SOX6: variants seen among roughly 807,000 people sequenced by gnomAD.
SOX6 encodes the protein SRY-box transcription factor 6.
In SOX6, 11 loss-of-function variants were observed where a neutral mutation model predicts 97.8. The observed-to-expected ratio is 0.11, with a 90% CI of 0.07 to 0.19. SOX6 has a LOEUF of 0.19. Among genes scored for constraint, SOX6 ranks in the 10% least tolerant of loss-of-function variants. The pLI, the probability that SOX6 is intolerant of heterozygous loss-of-function variation, is 1.00. For synonymous variants in SOX6, 360 were observed against 371.4 expected (o/e 0.97, Z 0.35); for missense variants, 810 against 1,039.5 (o/e 0.78, Z 3.04).
chr11:16,185,483 T>C (rs1317483034), intron 5 of SOX6, among the ~76,000 whole-genome samples: 1 of 152,176 alleles, frequency 6.6e-6, no homozygotes, highest in African/African-American at 2.4e-5. Context: ...ATTACTATCA[T>C]CCACTCTAGA....
At chr11:16,353,764 C>G (rs1392997188) in intron 1 of SOX6, among the ~76,000 whole-genome samples, 1 of 151,896 alleles carries the variant, frequency 6.6e-6, no homozygotes, top group East Asian at 1.9e-4. Flanking sequence ...GATTCTTTAC[C>G]AAGTACATAT....
chr11:16,249,042 A>G (rs1050934494), intron 3 of SOX6, among the ~76,000 whole-genome samples: 2 of 151,578 alleles, frequency 1.3e-5, no homozygotes, highest in Non-Finnish European at 2.9e-5. Flanking sequence ...CAGAGGTTGC[A>G]GTGAGCCAAG....
Position 16,095,953 on chromosome 11 carries a change from T to C in SOX6, c.1101+43A>G, listed in dbSNP as rs763445144. On this transcript the variant is annotated intron_variant, in intron 9 of 15. Transcript: ENST00000683767. ...AAAAGCCTAGAGTATGACTGAACAA[T>C]CCAGTCCCCAACCCAATGAAGCATC... 3 of 1,397,614 alleles carry C rather than the reference T, an allele frequency of 2.1e-6. No individual in the cohort carries two copies. The South Asian group carries it at 3.4e-5, about 16-fold the overall frequency. The allele number at this position is 1,397,614 out of a possible 1,614,324, so 86.6% of individuals were successfully genotyped here.
At chr11:16,235,082 T>A (rs1437019537) in intron 3 of SOX6, among the ~76,000 whole-genome samples, 3 of 151,890 alleles carry the variant, frequency 2.0e-5, no homozygotes, top group African/African-American at 7.2e-5. Flanking sequence ...CAAGAAACAA[T>A]AACAGATAAT....
At chr11:16,699,465 T>C (rs1009569297) in intron 3 of SOX6, among the ~76,000 whole-genome samples, 2 of 152,170 alleles carry the variant, frequency 1.3e-5, no homozygotes, top group Non-Finnish European at 2.9e-5. Context: ...ATTTTCAGGC[T>C]TGCTTTACTC....
At chr11:16,581,367 A>G (rs760326139) in intron 4 of SOX6, among the ~76,000 whole-genome samples, 23 of 152,198 alleles carry the variant, frequency 1.5e-4, no homozygotes, top group Middle Eastern at 3.4e-3. Context: ...CAAACACTAC[A>G]TGTCCCCTCA....
intron 4 of SOX6, among the ~76,000 whole-genome samples, chr11:16,516,091 A>C (rs559811696): frequency 1.1e-4 from 17 of 150,386 alleles, no homozygotes; most frequent in Non-Finnish European, 1.8e-4. Context: ...GAAGAAAGGC[A>C]TTGGTAGCTT....
At chr11:16,680,966 A>T (rs894009746) in intron 3 of SOX6, among the ~76,000 whole-genome samples, 5 of 152,122 alleles carry the variant, frequency 3.3e-5, no homozygotes, top group African/African-American at 9.7e-5. Flanking sequence ...AAACAAGTCC[A>T]TAGAGACCTA....
chr11:16,091,281 C>G (rs964717769), intron 9 of SOX6, among the ~76,000 whole-genome samples: 3 of 152,034 alleles, frequency 2.0e-5, no homozygotes, highest in Non-Finnish European at 2.9e-5. Flanking sequence ...TGAGTCAGTT[C>G]ATTCCTCTTT....
intron 3 of SOX6, among the ~76,000 whole-genome samples, chr11:16,246,616 C>T (rs537837322): frequency 6.6e-6 from 1 of 152,086 alleles, no homozygotes; most frequent in South Asian, 2.1e-4. Flanking sequence ...CTTTGCTCCA[C>T]TGTATATAAC....
At chr11:16,057,988 T>C (rs994123776) in intron 9 of SOX6, among the ~76,000 whole-genome samples, 12 of 152,122 alleles carry the variant, frequency 7.9e-5, no homozygotes, top group Non-Finnish European at 2.9e-5. Flanking sequence ...TTTACATTCA[T>C]TGTTCAGTCT....
At chr11:16,507,503 C>G (rs1860810720) in intron 4 of SOX6, among the ~76,000 whole-genome samples, 1 of 152,136 alleles carries the variant, frequency 6.6e-6, no homozygotes, top group Non-Finnish European at 1.5e-5. Flanking sequence ...ATAATGCTAT[C>G]TGACTTCAAA....
intron 6 of SOX6, among the ~76,000 whole-genome samples, chr11:16,144,190 A>G (rs561016126): frequency 6.6e-6 from 1 of 152,376 alleles, no homozygotes; most frequent in Admixed American, 6.5e-5. Flanking sequence ...ACTCAAGATT[A>G]AGAAACTCAC....
At chr11:16,373,769 T>G (rs1235803356) in intron 1 of SOX6, among the ~76,000 whole-genome samples, 1 of 150,058 alleles carries the variant, frequency 6.7e-6, no homozygotes, top group Admixed American at 6.7e-5. Flanking sequence ...CTGAACATTA[T>G]TAGGTCATAA....
intron 3 of SOX6, among the ~76,000 whole-genome samples, chr11:16,238,399 G>T (rs1853088360): frequency 6.6e-6 from 1 of 151,998 alleles, no homozygotes; most frequent in Non-Finnish European, 1.5e-5. Flanking sequence ...TAAGTACTTA[G>T]GTTTCGGGCC....
Position 16,661,881 on chromosome 11 carries a change from C to T in SOX6, n.430-49621G>A, listed in dbSNP as rs1439565647. Among the ~76,000 whole-genome samples, 6 of 152,220 alleles carry T rather than the reference C, an allele frequency of 3.9e-5. No individual in the cohort carries two copies. The East Asian group carries it at 9.7e-4, about 24-fold the overall frequency. On this transcript the variant is annotated intron_variant and non_coding_transcript_variant, in intron 3 of 5. Coordinates refer to the SOX6 transcript ENST00000524520. ...GCATTTTATATGATTATACTCTCTCCTCGTTTTCCATGCTGCTTCAAATTC... is the reference window on the plus strand; with the variant it reads ...GCATTTTATATGATTATACTCTCTCTTCGTTTTCCATGCTGCTTCAAATTC...
chr11:16,071,544 A>C (rs1848225296), intron 9 of SOX6, among the ~76,000 whole-genome samples: 1 of 151,826 alleles, frequency 6.6e-6, no homozygotes, highest in Admixed American at 6.6e-5. Context: ...TTGCCTTGAA[A>C]ACACCCTGAT....
chr11:16,584,666 T>C (rs1323637013), intron 4 of SOX6, among the ~76,000 whole-genome samples: 2 of 152,182 alleles, frequency 1.3e-5, no homozygotes, highest in Non-Finnish European at 1.5e-5. Context: ...TTCTGGGACC[T>C]AGTGGTCGAG....
At chr11:16,608,270 G>T (rs975283267) in intron 4 of SOX6, among the ~76,000 whole-genome samples, 8 of 152,168 alleles carry the variant, frequency 5.3e-5, no homozygotes, top group African/African-American at 1.9e-4. Flanking sequence ...AAAGGAAAAT[G>T]TATGAATGGT....
Sources: allele counts gnomAD v4.1 joint callset (sites outside exome capture counted in the v4.1 genomes callset), GRCh38; gene constraint gnomAD v4.1.1; transcripts MANE v1.5; gene names NCBI Gene and HGNC (gene_info 2026-07-23, HGNC 2026-07-21).